The following FSCB variants were observed in gnomAD, a reference collection of about 807,000 sequenced individuals.
FSCB encodes fibrous sheath CABYR binding protein, also known as fibrous sheath CABYR-binding protein.
For synonymous variants in FSCB, 331 were observed against 336.6 expected, an observed-to-expected ratio of 0.98 and a Z score of 0.18; for missense variants, 975 against 934.8, an observed-to-expected ratio of 1.04 and a Z score of -0.56.
chr14:44,504,323 T>A lies in FSCB; in HGVS notation c.*187A>T, dbSNP rs1407262028. 1 of 439,746 alleles carries A rather than the reference T, an allele frequency of 2.3e-6. No homozygotes were observed. The highest frequency in any genetic ancestry group is 2.0e-5 in the African/African-American group (1 of 49,220). The allele number at this position is 439,746 out of a possible 1,614,324, so 27.2% of individuals were successfully genotyped here. ...GTATTTTTCATGCCATAAATTTGAATGAAATTAACACAAGTAATTTTATGC... is the reference window on the plus strand; with the variant it reads ...GTATTTTTCATGCCATAAATTTGAAAGAAATTAACACAAGTAATTTTATGC... On this transcript the variant is annotated 3_prime_UTR_variant, in exon 1 of 1. Coordinates refer to ENST00000340446, the MANE Select transcript of FSCB (RefSeq NM_032135.4).
Position 44,505,631 on chromosome 14 carries a change from C to A in FSCB, c.1357G>T (p.Ala453Ser). The stretch of plus-strand genomic sequence containing the variant: ...AATGGAGACTGAAATTCAGTAGGAG[C>A]CTCTTCTGCAGGGGTCTCCATAGCT... The part of the protein sequence containing the change: ...STAMETPAEE[A>S]PTEFQSPLPK... Residue 453 changes from alanine to serine, a missense_variant, in exon 1 of 1, where the codon GCT becomes TCT. Coordinates refer to ENST00000340446, the MANE Select transcript of FSCB (RefSeq NM_032135.4). 1.2e-6 allele frequency: 2 copies of A among 1,613,502 alleles called. No homozygotes were observed. Among genetic ancestry groups the A allele is most frequent in the Non-Finnish European group, 1.7e-6 (2 of 1,179,990 alleles).
chr14:44,506,145 C>G lies in FSCB; in HGVS notation c.843G>C (p.Ala281=). 7 of 1,614,048 alleles carry G rather than the reference C, an allele frequency of 4.3e-6. No individual in the cohort carries two copies. In the South Asian group the frequency reaches 7.7e-5, roughly 18 times the overall value. The change falls in exon 1 of 1, where the codon GCG becomes GCC. Residue 281 remains alanine (A), a synonymous_variant. Coordinates refer to ENST00000340446, the MANE Select transcript of FSCB (RefSeq NM_032135.4). The part of the protein sequence containing the change: ...PPLVEEATAK[A]EPRPAEETHV... ...GGGTCTCTTCAGCAGGTCTGGGCTC[C>G]GCTTTAGCAGTGGCCTCTTCAACTA...
chr14:44,505,912 G>T lies in FSCB; in HGVS notation c.1076C>A (p.Pro359His). 6.2e-7 allele frequency: 1 copy of T among 1,613,800 alleles called. No homozygotes were observed. Among genetic ancestry groups the T allele is most frequent in the Non-Finnish European group, 8.5e-7 (1 of 1,179,716 alleles). Residue 359 changes from proline to histidine, a missense_variant, in exon 1 of 1, where the codon CCT (proline) becomes CAT (histidine). Transcript: ENST00000340446. ...EILPPSAEES[P>H]SEEPPAEILP... Reference sequence around the variant, plus strand: ...AATTTCAGCAGGAGGCTCTTCTGAAGGGGACTCTTCAGCTGATGGAGGCAG... The same window carrying T: ...AATTTCAGCAGGAGGCTCTTCTGAATGGGACTCTTCAGCTGATGGAGGCAG...
Position 44,505,207 on chromosome 14 carries a change from T to C in FSCB, c.1781A>G (p.Gln594Arg). Reference sequence around the variant, plus strand: ...AGAAGCCTCTGTAGCTGCTAGAAGCTGAATTGCAGCAGAGGCCTCTTCTGC... The same window carrying C: ...AGAAGCCTCTGTAGCTGCTAGAAGCCGAATTGCAGCAGAGGCCTCTTCTGC... ...TTAEEASAAI[Q>R]LLAATEASAE... Residue 594 changes from glutamine to arginine, a missense_variant, in exon 1 of 1, where the codon CAG (glutamine) becomes CGG (arginine). By Grantham distance (43) the Gln-to-Arg change is conservative (BLOSUM62 1). Coordinates refer to ENST00000340446, the MANE Select transcript of FSCB (RefSeq NM_032135.4). 1 of 1,612,632 alleles carries C rather than the reference T, an allele frequency of 6.2e-7. No individual in the cohort carries two copies. Among genetic ancestry groups the C allele is most frequent in the South Asian group, 1.1e-5 (1 of 91,010 alleles).
chr14:44,506,080 G>A lies in FSCB; in HGVS notation c.908C>T (p.Ala303Val). ...CTCCGCAACTGCAGTGGCTGCCTCAGCATCAGGAGTCTCTTCAGTTGATGG... is the reference window on the plus strand; with the variant it reads ...CTCCGCAACTGCAGTGGCTGCCTCAACATCAGGAGTCTCTTCAGTTGATGG... ...VQPSTEETPD[A>V]EAATAVAENS... Residue 303 changes from alanine to valine, a missense_variant, in exon 1 of 1, where the codon GCT becomes GTT. Coordinates refer to ENST00000340446, the MANE Select transcript of FSCB (RefSeq NM_032135.4). 1 of 1,614,164 alleles carries A rather than the reference G, an allele frequency of 6.2e-7. No homozygotes were observed.
Position 44,507,009 on chromosome 14 carries a change from C to A in FSCB, c.-22G>T. 1 of 1,539,924 alleles carries A rather than the reference C, an allele frequency of 6.5e-7. No individual in the cohort carries two copies. The highest frequency in any genetic ancestry group is 1.3e-5 in the South Asian group (1 of 78,074). ...CCATTGGTTTGCTGGGTCATCTTCT[C>A]TTTCGAATTTCTTGCCTACACGCTG... On this transcript the variant is annotated 5_prime_UTR_variant, in exon 1 of 1. Coordinates refer to ENST00000340446, the MANE Select transcript of FSCB (RefSeq NM_032135.4).
rs1439719326 is a variant in FSCB at position 44,506,999 on chromosome 14, GTCA to G, written c.-15_-13del. On this transcript the variant is annotated 5_prime_UTR_variant, in exon 1 of 1. The change abolishes an upstream ATG in the 5' untranslated region. Coordinates refer to ENST00000340446, the MANE Select transcript of FSCB (RefSeq NM_032135.4). ...GATTTGCCTACCATTGGTTTGCTGG[GTCA>G]TCTTCTCTTTCGAATTTCTTGCCTA... 1 of 1,552,190 alleles carries G rather than the reference GTCA, an allele frequency of 6.4e-7. No homozygotes were observed. Among genetic ancestry groups the G allele is most frequent in the Non-Finnish European group, 8.7e-7 (1 of 1,146,610 alleles).
At position 44,507,273 on chromosome 14, in the gene FSCB, C is replaced by G; in HGVS notation, c.-286G>C. ...AGTAAGCGTCTTTCTTCTTTAGTCT[C>G]TGTTATAACTAAATATCACTTTTAG... On this transcript the variant is annotated 5_prime_UTR_variant, in exon 1 of 1. Coordinates refer to ENST00000340446, the MANE Select transcript of FSCB (RefSeq NM_032135.4). 3.4e-6 allele frequency: 1 copy of G among 292,570 alleles called. No homozygotes were observed. The highest frequency in any genetic ancestry group is 6.6e-6 in the Non-Finnish European group (1 of 150,674). 18.1% of individuals were successfully genotyped at this position (292,570 alleles called of 1,614,324 possible).
Position 44,507,232 on chromosome 14 carries a change from G to T in FSCB, c.-245C>A. The T allele has an allele frequency of 2.5e-6, 1 of 398,124 alleles. No homozygotes were observed. The allele number at this position is 398,124 out of a possible 1,614,324, so 24.7% of individuals were successfully genotyped here. ...TTGCATTCCATACTACACTCTTGTT[G>T]GATCCCACCTTATTCAGTAAGCGTC... On this transcript the variant is annotated 5_prime_UTR_variant, in exon 1 of 1. Transcript: ENST00000340446.
chr14:44,506,058 C>G lies in FSCB; in HGVS notation c.930G>C (p.Ala310=), dbSNP rs773036021. ...GAGGCTGAACTTTAACAGAATTCTC[C>G]GCAACTGCAGTGGCTGCCTCAGCAT... ...TPDAEAATAV[A]ENSVKVQPPP... The change falls in exon 1 of 1, where the codon GCG becomes GCC. Residue 310 remains alanine, a synonymous_variant. Transcript: ENST00000340446. 9 of 1,613,992 alleles carry G rather than the reference C, an allele frequency of 5.6e-6. No individual in the cohort carries two copies. The highest frequency in any genetic ancestry group is 1.3e-5 in the African/African-American group (1 of 74,892).
At position 44,505,321 on chromosome 14, in the gene FSCB, G is replaced by C; in HGVS notation, c.1667C>G (p.Pro556Arg). ...LSEETSAEEA[P>R]AEVQSPSAKG... ...AGCTGATGGAGACTGAACTTCAGCA[G>C]GAGCCTCTTCTGCAGAAGTCTCCTC... Residue 556 changes from proline to arginine, a missense_variant, in exon 1 of 1, where the codon CCT becomes CGT. Transcript: ENST00000340446. 1 of 1,613,286 alleles carries C rather than the reference G, an allele frequency of 6.2e-7. No homozygotes were observed. The highest frequency in any genetic ancestry group is 8.5e-7 in the Non-Finnish European group (1 of 1,179,988).
Position 44,507,096 on chromosome 14 carries a change from T to A in FSCB, c.-109A>T. The A allele has an allele frequency of 1.1e-6, 1 of 899,718 alleles. No homozygotes were observed. The highest frequency in any genetic ancestry group is 1.7e-6 in the Non-Finnish European group (1 of 594,480). The allele number at this position is 899,718 out of a possible 1,614,324, so 55.7% of individuals were successfully genotyped here. A position where few individuals can be genotyped will look rare whatever the true frequency, so the allele number is the denominator to read the frequency against. ...CTAAGAGTAGTGATTTCAAACTTAT[T>A]AATTTTCAAGTAATGACCAAAAATC... is the stretch of plus-strand genomic sequence containing the variant. On this transcript the variant is annotated 5_prime_UTR_variant, in exon 1 of 1. It removes the in-frame stop codon of an upstream open reading frame in the 5' UTR. Transcript: ENST00000340446.
Position 44,506,268 on chromosome 14 carries a change from T to C in FSCB, c.720A>G (p.Val240=). The C allele has an allele frequency of 6.2e-7, 1 of 1,614,174 alleles. No individual in the cohort carries two copies. Among genetic ancestry groups the C allele is most frequent in the South Asian group, 1.1e-5 (1 of 91,080 alleles). The change falls in exon 1 of 1, where the codon GTA becomes GTG. Residue 240 remains valine, a synonymous_variant. Transcript: ENST00000340446. ...CAGCAGAACCTTCTTGTACAACAGGTACAGTTACTTCTTCCCTAAGCTCAT... is the reference window on the plus strand; with the variant it reads ...CAGCAGAACCTTCTTGTACAACAGGCACAGTTACTTCTTCCCTAAGCTCAT... ...LEDELREEVT[V]PVVQEGSAVK... is the part of the protein sequence containing the mutation.
At position 44,505,856 on chromosome 14, in the gene FSCB, C is replaced by A. The variant is rs757047345; in HGVS notation, c.1132G>T (p.Val378Leu). 1.9e-6 allele frequency: 3 copies of A among 1,613,996 alleles called. No individual in the cohort carries two copies. Among genetic ancestry groups the A allele is most frequent in the African/African-American group, 2.7e-5 (2 of 74,900 alleles). Residue 378 changes from valine (V) to leucine (L), a missense_variant, in exon 1 of 1, where the codon GTA becomes TTA. Physicochemically the swap from Val to Leu is conservative, Grantham distance 32. Transcript: ENST00000340446. The stretch of plus-strand genomic sequence containing the variant: ...GACCGAATTTCACCAAGAAGCTCTA[C>A]TGAAGGAGACTTTTCAGCTGGTGGA... ...LPPPAEKSPS[V>L]ELLGEIRSPS...
At position 44,505,844 on chromosome 14, in the gene FSCB, C is replaced by G. The variant is rs1172098003; in HGVS notation, c.1144G>C (p.Gly382Arg). Residue 382 changes from glycine (G) to arginine (R), a missense_variant, in exon 1 of 1, where the codon GGT becomes CGT. Coordinates refer to ENST00000340446, the MANE Select transcript of FSCB (RefSeq NM_032135.4). ...TGTGCTGAGGGAGACCGAATTTCACCAAGAAGCTCTACTGAAGGAGACTTT... is the reference window on the plus strand; with the variant it reads ...TGTGCTGAGGGAGACCGAATTTCACGAAGAAGCTCTACTGAAGGAGACTTT... ...AEKSPSVELL[G>R]EIRSPSAQKA... 1 of 1,614,058 alleles carries G rather than the reference C, an allele frequency of 6.2e-7. No individual in the cohort carries two copies. The highest frequency in any genetic ancestry group is 1.1e-5 in the South Asian group (1 of 91,060).
In FSCB at chr14:44,504,379, C is replaced by A; in HGVS notation, c.*131G>T. On this transcript the variant is annotated 3_prime_UTR_variant, in exon 1 of 1. Transcript: ENST00000340446. The stretch of plus-strand genomic sequence containing the variant: ...CAGTTTTTATTGTTCATTTTCCAAC[C>A]TGTATTCCAAGTCTTGGGGTCCCCT... 1.8e-6 allele frequency: 1 copy of A among 566,858 alleles called. No individual in the cohort carries two copies. Among genetic ancestry groups the A allele is most frequent in the Non-Finnish European group, 3.1e-6 (1 of 326,898 alleles). The allele number at this position is 566,858 out of a possible 1,614,324, so 35.1% of individuals were successfully genotyped here.
In FSCB at chr14:44,504,944, C is replaced by T. The variant is rs557099325; in HGVS notation, c.2044G>A (p.Val682Ile). ...PPPAEEAPAE[V>I]QSLPAEETPI... Reference sequence around the variant, plus strand: ...GTCTCCTCAGCTGGTAGAGACTGAACTTCAGCAGGGGCCTCCTCAGCTGGT... The same window carrying T: ...GTCTCCTCAGCTGGTAGAGACTGAATTTCAGCAGGGGCCTCCTCAGCTGGT... The change falls in exon 1 of 1, where the codon GTT becomes ATT. Residue 682 changes from valine to isoleucine, a missense_variant. By Grantham distance (29) the Val-to-Ile change is conservative (BLOSUM62 3). Coordinates refer to ENST00000340446, the MANE Select transcript of FSCB (RefSeq NM_032135.4). 1.9e-6 allele frequency: 3 copies of T among 1,609,160 alleles called. No homozygotes were observed. Among genetic ancestry groups the T allele is most frequent in the Non-Finnish European group, 2.5e-6 (3 of 1,179,890 alleles).
In FSCB at chr14:44,506,793, T is replaced by C. The variant is rs1881103108; in HGVS notation, c.195A>G (p.Gly65=). The part of the protein sequence containing the change: ...LQQTWTKRKH[G]QEMTSKSLQT... ...GGAGAGACTTACTAGTCATTTCCTG[T>C]CCATGCTTTCTCTTTGTCCAAGTTT... is the stretch of plus-strand genomic sequence containing the variant. The change falls in exon 1 of 1, where the codon GGA becomes GGG. Residue 65 remains glycine, a synonymous_variant. Coordinates refer to ENST00000340446, the MANE Select transcript of FSCB (RefSeq NM_032135.4). The C allele has an allele frequency of 1.2e-6, 2 of 1,614,118 alleles. No individual in the cohort carries two copies. The highest frequency in any genetic ancestry group is 1.7e-6 in the Non-Finnish European group (2 of 1,179,980).
Position 44,505,040 on chromosome 14 carries a change from G to A in FSCB, c.1948C>T (p.Pro650Ser), listed in dbSNP as rs1392033118. ...EEAPAEVQPP[P>S]AEEAPAEVQP... Reference sequence around the variant, plus strand: ...ACTTCAGCGGGGGCCTCCTCAGCTGGTGGAGGCTGAACTTCAGCGGGGGCC... The same window carrying A: ...ACTTCAGCGGGGGCCTCCTCAGCTGATGGAGGCTGAACTTCAGCGGGGGCC... Residue 650 changes from proline (P) to serine (S), a missense_variant, in exon 1 of 1, where the codon CCA becomes TCA. Transcript: ENST00000340446. 16 of 552,198 alleles carry A rather than the reference G, an allele frequency of 2.9e-5. No individual in the cohort carries two copies. Among genetic ancestry groups the A allele is most frequent in the Admixed American group, 2.3e-4 (7 of 30,318 alleles). The allele number at this position is 552,198 out of a possible 1,614,324, so 34.2% of individuals were successfully genotyped here.
Sources: gnomAD v4.1 joint callset for allele counts on GRCh38, gnomAD v4.1.1 for gene constraint, MANE v1.5 for transcripts, NCBI Gene and HGNC (gene_info 2026-07-23, HGNC 2026-07-21) for gene names.